NUP205: variants seen among roughly 807,000 people sequenced by gnomAD.
The protein encoded by NUP205 is nuclear pore complex protein Nup205.
NUP205 carries 76 observed loss-of-function variants against 253.8 expected under a neutral mutation model. The ratio of observed to expected loss-of-function variants is 0.30; its 90% CI spans 0.25 to 0.36. NUP205 has a LOEUF of 0.36. Among genes scored for constraint, NUP205 ranks in the 10% least tolerant of loss-of-function variants. The pLI is 1.00. For missense variants in NUP205, 2,162 were observed against 2,425.5 expected (o/e 0.89, Z 2.28); for synonymous variants, 832 against 850.1 (o/e 0.98, Z 0.37).
At chr7:135,640,024 C>T (rs1259734102) in intron 38 of NUP205, among the ~76,000 whole-genome samples, 2 of 152,092 alleles carry the variant, frequency 1.3e-5, no homozygotes, top group Non-Finnish European at 2.9e-5. Flanking sequence ...CACATGGACA[C>T]AGGGAGGGGA....
chr7:135,604,550 T>G, intron 19 of NUP205, 90 bp downstream of exon 19: 1 of 1,298,804 alleles, frequency 7.7e-7, no homozygotes, highest in Non-Finnish European at 1.1e-6. Flanking sequence ...GGAATCATAT[T>G]CTTGGTTGTG....
chr7:135,613,161 A>G (rs990793342), intron 22 of NUP205, among the ~76,000 whole-genome samples: 3 of 151,494 alleles, frequency 2.0e-5, no homozygotes, highest in Non-Finnish European at 2.9e-5. Flanking sequence ...TTAATTCCTG[A>G]AAACAGATGG....
chr7:135,640,975 G>A (rs1457381408), intron 38 of NUP205, among the ~76,000 whole-genome samples: 1 of 151,994 alleles, frequency 6.6e-6, no homozygotes, highest in Admixed American at 6.6e-5. Context: ...TATGGCAGGG[G>A]GATCACATGA....
At position 135,619,415 on chromosome 7, in the gene NUP205, C is replaced by T. The variant is rs761215083; in HGVS notation, c.3964-8C>T. On this transcript the variant is annotated splice_region_variant and splice_polypyrimidine_tract_variant and intron_variant, in intron 28 of 42. Transcript: ENST00000285968. ...GATTCTCACTCTAATTTGCCCTTGT[C>T]CTTTAAGATACTGGATGATGAAGCT... The T allele has an allele frequency of 6.2e-7, 1 of 1,610,926 alleles. No homozygotes were observed. Among genetic ancestry groups the T allele is most frequent in the Admixed American group, 1.7e-5 (1 of 59,824 alleles).
At chr7:135,585,148 T>C (rs1806421855) in intron 8 of NUP205, 141 bp downstream of exon 8, 1 of 612,800 alleles carries the variant, frequency 1.6e-6, no homozygotes, top group African/African-American at 1.8e-5. Context: ...TATTACATCT[T>C]GTGAATCAGT....
At position 135,594,301 on chromosome 7, in the gene NUP205, T is replaced by C. The variant is rs947024206; in HGVS notation, c.1831-246T>C. The stretch of plus-strand genomic sequence containing the variant: ...CATTTATCTCTGTTTGTATTATTTC[T>C]CATACTTGGAACTGCAAAAGTAATT... On this transcript the variant is annotated intron_variant, in intron 12 of 42. Coordinates refer to ENST00000285968, the MANE Select transcript of NUP205 (RefSeq NM_015135.3). Among the ~76,000 whole-genome samples, 14 of 152,328 alleles carry C rather than the reference T, an allele frequency of 9.2e-5. No individual in the cohort carries two copies. The South Asian group carries it at 2.1e-3, about 23-fold the overall frequency.
intron 22 of NUP205, among the ~76,000 whole-genome samples, chr7:135,613,325 A>G (rs1047229402): frequency 6.6e-6 from 1 of 151,486 alleles, no homozygotes; most frequent in Non-Finnish European, 1.5e-5. Flanking sequence ...TTTTTCTTAT[A>G]TTTAATATAA....
In NUP205 at chr7:135,645,464, AT is replaced by A; in HGVS notation, c.5684-3del. 1 of 1,612,492 alleles carries A rather than the reference AT, an allele frequency of 6.2e-7. No individual in the cohort carries two copies. The highest frequency in any genetic ancestry group is 1.7e-5 in the Admixed American group (1 of 59,444). Reference sequence around the variant, plus strand: ...ATGTTCCTTTAATCTGAGCTCTGGTATAGTTATCATAGAGACCTGCCTATTT... The same window carrying A: ...ATGTTCCTTTAATCTGAGCTCTGGTAAGTTATCATAGAGACCTGCCTATTT... On this transcript the variant is annotated splice_polypyrimidine_tract_variant and splice_region_variant and intron_variant, in intron 40 of 42. Coordinates refer to ENST00000285968, the MANE Select transcript of NUP205 (RefSeq NM_015135.3).
rs550978799 is a variant in NUP205, at chr7:135,606,784, G to C, written c.2939G>C (p.Arg980Pro). The C allele has an allele frequency of 6.2e-7, 1 of 1,613,690 alleles. No individual in the cohort carries two copies. The change falls in exon 21 of 43, where the codon CGT (arginine) becomes CCT (proline). Residue 980 changes from arginine (R) to proline (P), a missense_variant. Physicochemically the swap from Arg to Pro is moderately radical, Grantham distance 103. Around this residue, in one of 5 missense-constraint regions of NUP205, gnomAD observed 1,144 missense variants for 1,280.9 expected, o/e 0.89. Coordinates refer to ENST00000285968, the MANE Select transcript of NUP205 (RefSeq NM_015135.3). ...CTTGAAAAGAAATTAGTTGCAATTC[G>C]TCATGAAACAAGAATCCACATCTTG... ...SELEKKLVAI[R>P]HETRIHILNL...
chr7:135,565,719 T>C (rs947520220), intron 1 of NUP205, among the ~76,000 whole-genome samples: 2 of 152,184 alleles, frequency 1.3e-5, no homozygotes, highest in African/African-American at 4.8e-5. Context: ...AGTGGCTTAC[T>C]TACCTCTTAT....
At chr7:135,595,833 G>GT (rs1793819628) in intron 13 of NUP205, among the ~76,000 whole-genome samples, 2 of 152,066 alleles carry the variant, frequency 1.3e-5, no homozygotes, top group African/African-American at 4.8e-5. Context: ...CTTTATAGAC[G>GT]TATCTCTAGG....
At position 135,635,635 on chromosome 7, in the gene NUP205, A is replaced by G. The variant is rs1794796050; in HGVS notation, c.5114A>G (p.Gln1705Arg). The G allele has an allele frequency of 5.7e-6, 9 of 1,588,782 alleles. No homozygotes were observed. Among genetic ancestry groups the G allele is most frequent in the Non-Finnish European group, 6.9e-6 (8 of 1,160,064 alleles). The change falls in exon 36 of 43, where the codon CAG becomes CGG. Residue 1705 changes from glutamine to arginine, a missense_variant. By Grantham distance (43) the Gln-to-Arg change is conservative. Transcript: ENST00000285968. The stretch of plus-strand genomic sequence containing the variant: ...AATGAAGGGTCTCTAATGGAGCTAC[A>G]GGGACATATTGGAAGATTCCAGGTA... ...DVNEGSLMELQGHIGRFQRQC... is the reference protein window; with the variant it reads ...DVNEGSLMELRGHIGRFQRQC...
chr7:135,613,512 G>A (rs1794287188), intron 22 of NUP205, among the ~76,000 whole-genome samples: 1 of 151,044 alleles, frequency 6.6e-6, no homozygotes, highest in Non-Finnish European at 1.5e-5. Flanking sequence ...CAAGTAATTT[G>A]CTACTAATAA....
At chr7:135,625,066 T>G in intron 31 of NUP205, 98 bp from the exon 32 acceptor site, 10 of 951,876 alleles carry the variant, frequency 1.1e-5, no homozygotes, top group Non-Finnish European at 1.3e-5. Context: ...ATGAAAAACA[T>G]TCTTCATATT....
chr7:135,628,699 T>A (rs892936142), intron 34 of NUP205, among the ~76,000 whole-genome samples: 3 of 152,262 alleles, frequency 2.0e-5, no homozygotes, highest in African/African-American at 7.2e-5. Context: ...TTTCACTGAT[T>A]GATTAGGCTT....
chr7:135,584,803 A>G (rs1806410112), intron 7 of NUP205, 29 bp from the exon 8 acceptor site: 3 of 1,605,122 alleles, frequency 1.9e-6, no homozygotes, highest in African/African-American at 2.7e-5. Context: ...CTTTTCCTCC[A>G]TGTACTGTGT....
rs1259542505 is a variant in NUP205 at position 135,578,022 on chromosome 7, A to G, written c.875A>G (p.Asp292Gly). 2.5e-6 allele frequency: 4 copies of G among 1,603,670 alleles called. No individual in the cohort carries two copies. Among genetic ancestry groups the G allele is most frequent in the East Asian group, 4.5e-5 (2 of 44,818 alleles). Residue 292 changes from aspartate to glycine, a missense_variant and splice_region_variant, in exon 6 of 43, where the codon GAT (aspartate) becomes GGT (glycine). This residue lies in a region of NUP205 where 892 missense variants were observed against 957.1 expected (regional missense o/e 0.93). Coordinates refer to ENST00000285968, the MANE Select transcript of NUP205 (RefSeq NM_015135.3). ...SFIEQSTEER[D>G]DMIHQLPLLT... ...ATAGAGCAAAGCACAGAGGAACGAG[A>G]TGGTATTGAGTTTTATACATTTTCC...
chr7:135,619,269 G>A (rs1407231052), intron 28 of NUP205, among the ~76,000 whole-genome samples, 154 bp from the exon 29 acceptor site: 1 of 151,884 alleles, frequency 6.6e-6, no homozygotes, highest in Non-Finnish European at 1.5e-5. Context: ...CTGAGCCCAG[G>A]AGGTCAAGGC....
At chr7:135,608,474 A>T (rs188047854) in intron 22 of NUP205, among the ~76,000 whole-genome samples, 1 of 152,180 alleles carries the variant, frequency 6.6e-6, no homozygotes, top group East Asian at 1.9e-4. Flanking sequence ...TGGGAGGCTG[A>T]GGTGGTCTGG....
Sources: gnomAD v4.1 joint callset for allele counts (sites outside exome capture counted in the v4.1 genomes callset) on GRCh38, gnomAD v4.1.1 for gene constraint, gnomAD v4.1.1 regional missense constraint, MANE v1.5 for transcripts, NCBI Gene and HGNC (gene_info 2026-07-23, HGNC 2026-07-21) for gene names.